TMEM108: variants seen among roughly 807,000 people sequenced by gnomAD.
TMEM108 encodes transmembrane protein 108.
A neutral mutation model predicts 35.1 loss-of-function variants in TMEM108; 12 were observed. The ratio of observed to expected loss-of-function variants is 0.34; its 90% confidence interval spans 0.22 to 0.55. The LOEUF (loss-of-function observed/expected upper bound fraction) is 0.55, where lower values mean the gene tolerates loss of function less well. TMEM108 is among the 20% of genes least tolerant of loss of function. The pLI is 0.89. For synonymous variants in TMEM108, 287 were observed against 308.6 expected, an observed-to-expected ratio of 0.93 and a Z score of 0.73; for missense variants, 680 against 753.3, an observed-to-expected ratio of 0.90 and a Z score of 1.14.
Position 133,396,043 on chromosome 3 carries a change from C to CAAAT in TMEM108, c.*59_*62dup. The CAAAT allele has an allele frequency of 8.3e-7, 1 of 1,211,760 alleles. No homozygotes were observed. The highest frequency in any genetic ancestry group is 1.6e-5 in the African/African-American group (1 of 62,638). 75.1% of individuals were successfully genotyped at this position (1,211,760 alleles called of 1,614,324 possible). Reference sequence around the variant, plus strand: ...TTTTCGTCTCTAAATTATAAATATACAAATACATATATTATAAATATAACC... The same window carrying CAAAT: ...TTTTCGTCTCTAAATTATAAATATACAAATAAATACATATATTATAAATATAACC... On this transcript the variant is annotated 3_prime_UTR_variant, in exon 6 of 6. Coordinates refer to ENST00000321871, the MANE Select transcript of TMEM108 (RefSeq NM_023943.4).
chr3:133,292,935 G>A (rs7625110), intron 3 of TMEM108, among the ~76,000 whole-genome samples: 1 of 152,012 alleles, frequency 6.6e-6, no homozygotes, highest in Non-Finnish European at 1.5e-5. Flanking sequence ...TATCTATAAA[G>A]TTGGTATACT....
chr3:133,360,027 A>G (rs886907472), intron 3 of TMEM108, among the ~76,000 whole-genome samples: 4 of 150,326 alleles, frequency 2.7e-5, no homozygotes, highest in African/African-American at 9.8e-5. Flanking sequence ...AAAAAAAAAA[A>G]GCAAACCACT....
chr3:133,114,046 G>A (rs762827876), intron 2 of TMEM108, among the ~76,000 whole-genome samples: 1 of 152,144 alleles, frequency 6.6e-6, no homozygotes, highest in Non-Finnish European at 1.5e-5. Flanking sequence ...TCTAGAAAAA[G>A]CATAATCAAA....
At chr3:133,294,950 C>T (rs2093437749) in intron 3 of TMEM108, among the ~76,000 whole-genome samples, 1 of 152,138 alleles carries the variant, frequency 6.6e-6, no homozygotes, top group Admixed American at 6.5e-5. Context: ...TTTCACCAAC[C>T]TGGGAGTGTT....
intron 2 of TMEM108, among the ~76,000 whole-genome samples, chr3:133,153,238 A>C (rs2107769846): frequency 6.6e-6 from 1 of 152,222 alleles, no homozygotes; most frequent in African/African-American, 2.4e-5. Flanking sequence ...AATGCCTTAA[A>C]TTTCTTTGGA....
intron 2 of TMEM108, among the ~76,000 whole-genome samples, chr3:133,083,828 C>G (rs1943846035): frequency 6.6e-6 from 1 of 151,730 alleles, no homozygotes; most frequent in Non-Finnish European, 1.5e-5. Context: ...CACTTTTATT[C>G]TATTGTTTTC....
chr3:133,102,280 A>G (rs1944098675), intron 2 of TMEM108, among the ~76,000 whole-genome samples: 1 of 152,100 alleles, frequency 6.6e-6, no homozygotes, highest in African/African-American at 2.4e-5. Context: ...TTAATTTAGG[A>G]GCTGGTTCAG....
At chr3:133,308,259 G>A (rs1201237081) in intron 3 of TMEM108, among the ~76,000 whole-genome samples, 1 of 152,026 alleles carries the variant, frequency 6.6e-6, no homozygotes, top group Non-Finnish European at 1.5e-5. Context: ...GGAGATTTTG[G>A]GCTAAGACGA....
intron 3 of TMEM108, among the ~76,000 whole-genome samples, chr3:133,325,459 A>C (rs1286339847): frequency 1.3e-5 from 2 of 152,198 alleles, no homozygotes; most frequent in Non-Finnish European, 2.9e-5. Flanking sequence ...GTTCTGCCAA[A>C]ACTCATGAAA....
rs1576395919 is a variant in TMEM108 at position 133,227,225 on chromosome 3, CGCTGTCGCCCAG to C, written c.-46-2036_-46-2025del. Among the ~76,000 whole-genome samples, 3 of 121,382 alleles carry C rather than the reference CGCTGTCGCCCAG, an allele frequency of 2.5e-5. No homozygotes were observed. In the East Asian group the frequency reaches 7.1e-4, roughly 29 times the overall value. 79.6% of individuals were successfully genotyped at this position (121,382 alleles called of 152,430 possible). On this transcript the variant is annotated intron_variant, in intron 2 of 5. Transcript: ENST00000321871. ...TTTTTTTTTTTTTGAGACAGAGTCT[CGCTGTCGCCCAG>C]GCTGGAGTGCAGTGGCGCAATCTCG... is the stretch of plus-strand genomic sequence containing the variant.
At chr3:133,040,330 A>T (rs1346177856) in intron 1 of TMEM108, among the ~76,000 whole-genome samples, 3 of 151,068 alleles carry the variant, frequency 2.0e-5, no homozygotes. Flanking sequence ...CAGCCTCCCG[A>T]GTAGCTGGGA....
chr3:133,137,040 T>C (rs552808503), intron 2 of TMEM108, among the ~76,000 whole-genome samples: 2 of 152,306 alleles, frequency 1.3e-5, no homozygotes, highest in South Asian at 4.1e-4. Context: ...GTTGTTGTTG[T>C]TAGAAATTAG....
chr3:133,223,430 A>G (rs766363966), intron 2 of TMEM108, among the ~76,000 whole-genome samples: 8 of 152,194 alleles, frequency 5.3e-5, no homozygotes, highest in Non-Finnish European at 7.3e-5. Flanking sequence ...TATTGGGTCT[A>G]TAGGCATGGG....
chr3:133,390,813 C>G (rs2073224783), intron 5 of TMEM108, among the ~76,000 whole-genome samples: 1 of 152,052 alleles, frequency 6.6e-6, no homozygotes, highest in Non-Finnish European at 1.5e-5. Context: ...AGTGCAGATG[C>G]TAGGAAGGAT....
chr3:133,392,827 C>A (rs1005923010), intron 5 of TMEM108, among the ~76,000 whole-genome samples: 1 of 152,198 alleles, frequency 6.6e-6, no homozygotes, highest in African/African-American at 2.4e-5. Context: ...AGTCTCCTCC[C>A]TCGCACCATG....
chr3:133,191,417 A>G (rs562888978), intron 2 of TMEM108, among the ~76,000 whole-genome samples: 3 of 152,286 alleles, frequency 2.0e-5, no homozygotes, highest in East Asian at 1.9e-4. Context: ...GAAAGTCACT[A>G]TATCTGGCAG....
chr3:133,364,605 C>T (rs2107800336), intron 3 of TMEM108, among the ~76,000 whole-genome samples: 1 of 152,196 alleles, frequency 6.6e-6, no homozygotes, highest in Non-Finnish European at 1.5e-5. Context: ...ATTAGAGTGA[C>T]CAGAACCTGG....
At chr3:133,066,389 A>G (rs993946627) in intron 2 of TMEM108, among the ~76,000 whole-genome samples, 2 of 152,188 alleles carry the variant, frequency 1.3e-5, no homozygotes, top group Admixed American at 6.5e-5. Flanking sequence ...AAAGATTCAT[A>G]AAAAATAATA....
intron 2 of TMEM108, among the ~76,000 whole-genome samples, chr3:133,057,343 T>TTAAATTTTTTG (rs146663808): frequency 0.37 from 56,195 of 150,308 alleles, 11,158 homozygotes; most frequent in Admixed American, 0.46. Flanking sequence ...TAAATTTTTT[T>TTAAATTTTTTG]TCTACTCAAA....
Sources: allele counts gnomAD v4.1 joint callset (sites outside exome capture counted in the v4.1 genomes callset), GRCh38; gene constraint gnomAD v4.1.1; transcripts MANE v1.5; gene names NCBI Gene and HGNC (gene_info 2026-07-23, HGNC 2026-07-21).